CDR2: variants seen among roughly 807,000 people sequenced by gnomAD.
CDR2 encodes the protein cerebellar degeneration related protein 2.
CDR2 carries 34 observed loss-of-function variants against 48.4 expected under a neutral mutation model. The ratio of observed to expected loss-of-function variants is 0.70; its 90% CI spans 0.53 to 0.94. CDR2 has a LOEUF of 0.94. CDR2 is among the 40% of genes least tolerant of loss of function. The probability of loss-of-function intolerance (pLI) is 0.00; values close to 1 mark genes in which losing one functional copy is unlikely to be tolerated. For missense variants in CDR2, 498 were observed against 549.5 expected (o/e 0.91, Z 0.94); for synonymous variants, 240 against 219.7 (o/e 1.09, Z -0.82).
At chr16:22,351,447 C>T (rs1023101930) in intron 2 of CDR2, among the ~76,000 whole-genome samples, 1 of 152,110 alleles carries the variant, frequency 6.6e-6, no homozygotes, top group African/African-American at 2.4e-5. Context: ...ACCCTGTCTT[C>T]CACAATGGTT....
rs1226516529 is a variant in CDR2 at position 22,347,676 on chromosome 16, A to G, written c.654T>C (p.Thr218=). The stretch of plus-strand genomic sequence containing the variant: ...ACACGAGCCCATATTCCTCCTCCAT[A>G]GTCACCCGCTTCTGCCGCTCCAGGC... ...QLSLERQKRV[T]MEEEYGLVLK... is the part of the protein sequence containing the mutation. Residue 218 remains threonine, a synonymous_variant, in exon 5 of 5, where the codon ACT becomes ACC. Coordinates refer to ENST00000268383, the MANE Select transcript of CDR2 (RefSeq NM_001802.2). The G allele has an allele frequency of 3.7e-6, 6 of 1,613,518 alleles. No homozygotes were observed. Among genetic ancestry groups the G allele is most frequent in the Non-Finnish European group, 5.1e-6 (6 of 1,179,978 alleles).
intron 2 of CDR2, among the ~76,000 whole-genome samples, chr16:22,360,239 A>G (rs938966259): frequency 6.6e-6 from 1 of 152,212 alleles, no homozygotes; most frequent in Non-Finnish European, 1.5e-5. Flanking sequence ...TCCACCCAGA[A>G]CAGAAAAAAC....
chr16:22,354,873 G>A (rs917807285), intron 2 of CDR2, among the ~76,000 whole-genome samples: 2 of 152,122 alleles, frequency 1.3e-5, no homozygotes, highest in Non-Finnish European at 2.9e-5. Flanking sequence ...CAGCCTGGGC[G>A]ACAGAGTGAG....
In CDR2 at chr16:22,346,781, A is replaced by G; in HGVS notation, c.*184T>C. ...GGATTTCCTGGGGAGCTTAAATGGAAGTGGATCAGAGAACTGATACCACTA... is the reference window on the plus strand; with the variant it reads ...GGATTTCCTGGGGAGCTTAAATGGAGGTGGATCAGAGAACTGATACCACTA... On this transcript the variant is annotated 3_prime_UTR_variant, in exon 5 of 5. Coordinates refer to ENST00000268383, the MANE Select transcript of CDR2 (RefSeq NM_001802.2). 1 of 679,050 alleles carries G rather than the reference A, an allele frequency of 1.5e-6. No individual in the cohort carries two copies. Among genetic ancestry groups the G allele is most frequent in the Non-Finnish European group, 2.5e-6 (1 of 394,088 alleles). The allele number at this position is 679,050 out of a possible 1,614,324, so 42.1% of individuals were successfully genotyped here. A position where few individuals can be genotyped will look rare whatever the true frequency, so the allele number is the denominator to read the frequency against.
At chr16:22,365,256 G>A (rs1598295918) in intron 1 of CDR2, 2 of 374,708 alleles carry the variant, frequency 5.3e-6, no homozygotes, top group Middle Eastern at 7.3e-4. Context: ...TTATGGAGAT[G>A]CAGTTATTTG....
At chr16:22,357,660 G>A (rs541903680) in intron 2 of CDR2, among the ~76,000 whole-genome samples, 1 of 152,286 alleles carries the variant, frequency 6.6e-6, no homozygotes, top group Non-Finnish European at 1.5e-5. Flanking sequence ...ATCTGAGGGG[G>A]AGACTTTTAC....
chr16:22,350,559 G>T (rs1469870328), intron 2 of CDR2, among the ~76,000 whole-genome samples: 1 of 152,096 alleles, frequency 6.6e-6, no homozygotes, highest in Non-Finnish European at 1.5e-5. Context: ...CCAGAAACCA[G>T]GGACAAAGAC....
rs369199367 is a variant in CDR2, at chr16:22,347,712, C to T, written c.618G>A (p.Gln206=). The part of the protein sequence containing the change: ...EHLKKTVTML[Q]AQLSLERQKR... ...TCTGCCGCTCCAGGCTCAGCTGGGC[C>T]TGCAACATTGTCACTGTTTTTTTCA... Residue 206 remains glutamine (Q), a synonymous_variant, in exon 5 of 5, where the codon CAG becomes CAA. Coordinates refer to ENST00000268383, the MANE Select transcript of CDR2 (RefSeq NM_001802.2). 1 of 1,614,072 alleles carries T rather than the reference C, an allele frequency of 6.2e-7. No individual in the cohort carries two copies. Among genetic ancestry groups the T allele is most frequent in the African/African-American group, 1.3e-5 (1 of 74,920 alleles).
At position 22,347,661 on chromosome 16, in the gene CDR2, A is replaced by G. The variant is rs1295466815; in HGVS notation, c.669T>C (p.Tyr223=). The stretch of plus-strand genomic sequence containing the variant: ...CACTGTTCTCCTTTAACACGAGCCC[A>G]TATTCCTCCTCCATAGTCACCCGCT... ...RQKRVTMEEE[Y]GLVLKENSEL... is the part of the protein sequence containing the mutation. Residue 223 remains tyrosine, a synonymous_variant, in exon 5 of 5, where the codon TAT becomes TAC. Coordinates refer to ENST00000268383, the MANE Select transcript of CDR2 (RefSeq NM_001802.2). 2 of 1,613,796 alleles carry G rather than the reference A, an allele frequency of 1.2e-6. No homozygotes were observed. The highest frequency in any genetic ancestry group is 1.7e-5 in the Admixed American group (1 of 59,850).
chr16:22,359,402 G>A (rs968500932), intron 2 of CDR2, among the ~76,000 whole-genome samples: 4 of 152,156 alleles, frequency 2.6e-5, no homozygotes, highest in Non-Finnish European at 5.9e-5. Flanking sequence ...TGGGATTACA[G>A]GAGTGAGCCA....
intron 2 of CDR2, among the ~76,000 whole-genome samples, chr16:22,363,112 T>C (rs954149868): frequency 6.6e-6 from 1 of 152,028 alleles, no homozygotes; most frequent in Admixed American, 6.6e-5. Context: ...GCCATATTTT[T>C]TGTATTTTTA....
chr16:22,364,881 C>T, intron 2 of CDR2, 21 bp downstream of exon 2: 4 of 1,418,714 alleles, frequency 2.8e-6, no homozygotes, highest in Non-Finnish European at 4.0e-6. Context: ...AAAAGTGTAA[C>T]TCTCCTGCCA....
chr16:22,357,020 C>G (rs1026986681), intron 2 of CDR2, among the ~76,000 whole-genome samples: 76 of 151,232 alleles, frequency 5.0e-4, no homozygotes, highest in African/African-American at 1.8e-3. Flanking sequence ...CCAAGGTACC[C>G]TAAATTGATT....
intron 1 of CDR2, among the ~76,000 whole-genome samples, chr16:22,366,641 AGGGAG>A (rs2049046437): frequency 6.6e-6 from 1 of 150,448 alleles, no homozygotes; most frequent in African/African-American, 2.4e-5. Flanking sequence ...TGTATTGGGC[AGGGAG>A]GGGAGGGGGA....
At chr16:22,361,538 A>G (rs903206647) in intron 2 of CDR2, among the ~76,000 whole-genome samples, 5 of 152,234 alleles carry the variant, frequency 3.3e-5, no homozygotes, top group African/African-American at 1.2e-4. Context: ...ACATCTGCCC[A>G]GGCACAGTTG....
At chr16:22,373,882 G>A (rs1446563209) in intron 1 of CDR2, among the ~76,000 whole-genome samples, 1 of 152,356 alleles carries the variant, frequency 6.6e-6, no homozygotes, top group South Asian at 2.1e-4. Flanking sequence ...CTCGGGCTAT[G>A]CCACTTACTG....
At chr16:22,351,776 G>A (rs182211348) in intron 2 of CDR2, among the ~76,000 whole-genome samples, 9 of 152,222 alleles carry the variant, frequency 5.9e-5, no homozygotes, top group Admixed American at 2.6e-4. Context: ...CCTTAATGCC[G>A]CAGTGTAAGT....
In CDR2 at chr16:22,347,383, C is replaced by T. The variant is rs758941177; in HGVS notation, c.947G>A (p.Ser316Asn). 1.2e-6 allele frequency: 2 copies of T among 1,614,214 alleles called. No individual in the cohort carries two copies. Among genetic ancestry groups the T allele is most frequent in the South Asian group, 2.2e-5 (2 of 91,076 alleles). Residue 316 changes from serine to asparagine, a missense_variant, in exon 5 of 5, where the codon AGC becomes AAC. Coordinates refer to ENST00000268383, the MANE Select transcript of CDR2 (RefSeq NM_001802.2). ...LKRSSSETIL[S>N]SLAGSDIVKG... ...CACGATGTCACTCCCTGCCAAGCTGCTGAGGATCGTCTCACTGCTGCTGCG... is the reference window on the plus strand; with the variant it reads ...CACGATGTCACTCCCTGCCAAGCTGTTGAGGATCGTCTCACTGCTGCTGCG...
intron 2 of CDR2, among the ~76,000 whole-genome samples, chr16:22,352,207 G>A (rs1373575339): frequency 6.6e-6 from 1 of 152,146 alleles, no homozygotes; most frequent in Non-Finnish European, 1.5e-5. Context: ...AACCGAGATC[G>A]TGCCACTGCA....
Sources: allele counts gnomAD v4.1 joint callset (sites outside exome capture counted in the v4.1 genomes callset), GRCh38; gene constraint gnomAD v4.1.1; transcripts MANE v1.5; gene names NCBI Gene and HGNC (gene_info 2026-07-23, HGNC 2026-07-21).